Variants in PDE8B observed in about 807,000 individuals in gnomAD.
PDE8B encodes the protein high affinity cAMP-specific and IBMX-insensitive 3',5'-cyclic phosphodiesterase 8B.
Under a neutral mutation model 101.3 loss-of-function variants are expected in PDE8B, and 26 were observed. The ratio of observed to expected loss-of-function variants is 0.26; its 90% CI spans 0.19 to 0.36. PDE8B has a LOEUF of 0.36. Among genes scored for constraint, PDE8B ranks in the 10% least tolerant of loss-of-function variants. The pLI is 1.00. For synonymous variants in PDE8B, 424 were observed against 429.3 expected (o/e 0.99, Z 0.15); for missense variants, 810 against 1,163.1 (o/e 0.70, Z 4.42).
intron 2 of PDE8B, among the ~76,000 whole-genome samples, chr5:77,319,190 C>T (rs955700046): frequency 6.6e-6 from 1 of 152,218 alleles, no homozygotes; most frequent in Non-Finnish European, 1.5e-5. Context: ...CCCCCAACAA[C>T]ATGTTTCAAA....
At chr5:77,226,023 A>G (rs762261533) in intron 1 of PDE8B, among the ~76,000 whole-genome samples, 88 of 152,310 alleles carry the variant, frequency 5.8e-4, no homozygotes, top group Non-Finnish European at 1.1e-3. Context: ...TACTGTGTTT[A>G]TAATTGTTTA....
At chr5:77,328,270 A>G (rs922906699) in intron 3 of PDE8B, among the ~76,000 whole-genome samples, 1 of 152,064 alleles carries the variant, frequency 6.6e-6, no homozygotes, top group African/African-American at 2.4e-5. Context: ...GGGCTGTAGC[A>G]TGGCACAGCT....
At chr5:77,313,890 G>C (rs1457684468) in intron 2 of PDE8B, among the ~76,000 whole-genome samples, 1 of 152,072 alleles carries the variant, frequency 6.6e-6, no homozygotes, top group African/African-American at 2.4e-5. Flanking sequence ...ATGTACACTT[G>C]TTTTGAATAC....
At chr5:77,290,236 T>G (rs1008468639) in intron 1 of PDE8B, 3 of 1,547,618 alleles carry the variant, frequency 1.9e-6, no homozygotes, top group Non-Finnish European at 2.6e-6. Context: ...ACCAGCAAGC[T>G]CCTTGGACCT....
chr5:77,340,708 C>G (rs531199108), intron 6 of PDE8B, among the ~76,000 whole-genome samples: 10 of 151,722 alleles, frequency 6.6e-5, no homozygotes, highest in Non-Finnish European at 1.3e-4. Context: ...ACCCAACACC[C>G]TGGCCATGAT....
intron 17 of PDE8B, among the ~76,000 whole-genome samples, chr5:77,418,018 G>A (rs1046292007): frequency 2.0e-5 from 3 of 152,176 alleles, no homozygotes; most frequent in Admixed American, 6.5e-5. Flanking sequence ...CTGTAACTGT[G>A]GCTCAGGTTG....
At chr5:77,225,233 C>T (rs1368209770) in intron 1 of PDE8B, among the ~76,000 whole-genome samples, 1 of 152,224 alleles carries the variant, frequency 6.6e-6, no homozygotes, top group Non-Finnish European at 1.5e-5. Context: ...TGATTCTACT[C>T]TTCCATTTGC....
At chr5:77,378,114 C>T (rs1353444332) in intron 10 of PDE8B, among the ~76,000 whole-genome samples, 3 of 151,484 alleles carry the variant, frequency 2.0e-5, no homozygotes, top group Non-Finnish European at 2.9e-5. Context: ...TTACCAATGA[C>T]GAAACTGAGA....
At chr5:77,169,445 G>T in the PDE8B span, among the ~76,000 whole-genome samples, 1 of 152,182 alleles carries the variant, frequency 6.6e-6, no homozygotes, top group Non-Finnish European at 1.5e-5. Context: ...CCAAGAATTT[G>T]TGTCTCCAAG....
In PDE8B at chr5:77,408,964, A is replaced by G; in HGVS notation, c.1437A>G (p.Leu479=). 6.2e-7 allele frequency: 1 copy of G among 1,610,998 alleles called. No homozygotes were observed. The highest frequency in any genetic ancestry group is 8.5e-7 in the Non-Finnish European group (1 of 1,177,090). The change falls in exon 14 of 22, where the codon CTA becomes CTG. Residue 479 remains leucine, a synonymous_variant. Transcript: ENST00000264917. ...TAGCGGAAGCCTTGGACAGAGTTCT[A>G]GAGATTTTACGGACCACAGAACTGT... is the stretch of plus-strand genomic sequence containing the variant. ...VTVAEALDRV[L]EILRTTELYS...
chr5:77,219,416 G>C (rs1417456703), intron 1 of PDE8B, among the ~76,000 whole-genome samples: 1 of 152,134 alleles, frequency 6.6e-6, no homozygotes, highest in Admixed American at 6.5e-5. Context: ...TTTATAGGAA[G>C]ATGCATGAGA....
Position 77,417,886 on chromosome 5 carries a change from T to C in PDE8B, c.1912-343T>C, listed in dbSNP as rs566361889. On this transcript the variant is annotated intron_variant, in intron 17 of 21. Coordinates refer to ENST00000264917, the MANE Select transcript of PDE8B (RefSeq NM_003719.5). ...ATCTTTTCAGAGCTAGGCAAATTGG[T>C]AATAGTTGTGATCACAGGCCACTTT... is the stretch of plus-strand genomic sequence containing the variant. 6.6e-5 allele frequency among the ~76,000 whole-genome samples: 10 copies of C among 152,256 alleles called. No individual in the cohort carries two copies. The South Asian group carries it at 2.1e-3, about 32-fold the overall frequency.
At chr5:77,091,724 A>G in the PDE8B span, among the ~76,000 whole-genome samples, 1 of 152,212 alleles carries the variant, frequency 6.6e-6, no homozygotes, top group Non-Finnish European at 1.5e-5. Context: ...TCTCTAATTC[A>G]TGTTTCAATA....
chr5:77,338,816 A>G (rs1778647338), intron 6 of PDE8B, among the ~76,000 whole-genome samples: 1 of 152,222 alleles, frequency 6.6e-6, no homozygotes, highest in African/African-American at 2.4e-5. Flanking sequence ...CCACCATAAA[A>G]AATGAACGGC....
chr5:77,111,429 A>G, the PDE8B span, among the ~76,000 whole-genome samples: 1 of 152,216 alleles, frequency 6.6e-6, no homozygotes, highest in Non-Finnish European at 1.5e-5. Flanking sequence ...GAAGATATCC[A>G]TATTCAAAAT....
At chr5:77,098,879 G>A in the PDE8B span, 1 of 151,992 alleles carries the variant, frequency 6.6e-6, no homozygotes, top group Non-Finnish European at 1.5e-5. Flanking sequence ...GTGAGGGAGA[G>A]TGCACTAAAT....
intron 7 of PDE8B, among the ~76,000 whole-genome samples, chr5:77,347,205 C>T (rs2150410535): frequency 6.6e-6 from 1 of 152,336 alleles, no homozygotes; most frequent in South Asian, 2.1e-4. Context: ...CACACATACT[C>T]ATTTATTTCT....
At chr5:77,342,243 C>T (rs185666068) in intron 6 of PDE8B, among the ~76,000 whole-genome samples, 2 of 152,288 alleles carry the variant, frequency 1.3e-5, no homozygotes. Context: ...GTTGTATTCT[C>T]ATATTGTCCC....
chr5:77,346,242 C>T (rs1184372752), intron 7 of PDE8B, among the ~76,000 whole-genome samples: 3 of 152,192 alleles, frequency 2.0e-5, no homozygotes, highest in Non-Finnish European at 4.4e-5. Context: ...CTCTTAGTGG[C>T]CCACCTGCCC....
Sources: allele counts gnomAD v4.1 joint callset (sites outside exome capture counted in the v4.1 genomes callset), GRCh38; gene constraint gnomAD v4.1.1; transcripts MANE v1.5; gene names NCBI Gene and HGNC (gene_info 2026-07-23, HGNC 2026-07-21).